Variants in CDX1 observed in about 807,000 individuals in gnomAD.
CDX1 encodes homeobox protein CDX-1.
A neutral mutation model predicts 16.9 loss-of-function variants in CDX1; 9 were observed. The ratio of observed to expected loss-of-function variants is 0.53; its 90% confidence interval spans 0.32 to 0.93. The LOEUF (loss-of-function observed/expected upper bound fraction) is 0.93. Among genes scored for constraint, CDX1 ranks in the 40% least tolerant of loss-of-function variants. The probability of loss-of-function intolerance (pLI) is 0.04; values close to 1 mark genes in which losing one functional copy is unlikely to be tolerated. For missense variants in CDX1, 393 were observed against 386.1 expected, an observed-to-expected ratio of 1.02 and a Z score of -0.15; for synonymous variants, 179 against 179.0, an observed-to-expected ratio of 1.00 and a Z score of 0.00.
At position 150,166,824 on chromosome 5, in the gene CDX1, GC is replaced by G. The variant is rs762439484; in HGVS notation, c.-51del. The stretch of plus-strand genomic sequence containing the variant: ...TGAGCGGTTGCTCGTCGTCGGGGCG[GC>G]CGGCAGCGGCGGCTCCAGGGCCCAG... On this transcript the variant is annotated 5_prime_UTR_variant, in exon 1 of 3. Transcript: ENST00000231656. The G allele has an allele frequency of 1.4e-5, 18 of 1,288,346 alleles. No homozygotes were observed. The African/African-American group carries it at 2.2e-4, about 16-fold the overall frequency. 79.8% of individuals were successfully genotyped at this position (1,288,346 alleles called of 1,614,324 possible).
intron 1 of CDX1, among the ~76,000 whole-genome samples, chr5:150,176,939 G>C (rs1761576394): frequency 1.3e-5 from 2 of 152,252 alleles, no homozygotes; most frequent in Admixed American, 1.3e-4. Context: ...GCTGGGGCTG[G>C]ACCACCCAGG....
rs1761434034 is a variant in CDX1 at position 150,167,089 on chromosome 5, C to T, written c.213C>T (p.Asp71=). The T allele has an allele frequency of 1.4e-6, 2 of 1,386,024 alleles. No homozygotes were observed. Among genetic ancestry groups the T allele is most frequent in the African/African-American group, 3.1e-5 (2 of 65,386 alleles). The allele number at this position is 1,386,024 out of a possible 1,614,324, so 85.9% of individuals were successfully genotyped here. A position where few individuals can be genotyped will look rare whatever the true frequency, so the allele number is the denominator to read the frequency against. ...CGCCCTTCCCTGCGCCCAAGGACGA[C>T]TGGGCCGCCGCCTACGGCCCGGGCC... ...WGAPFPAPKD[D]WAAAYGPGPA... The change falls in exon 1 of 3, where the codon GAC becomes GAT. Residue 71 remains aspartate (D), a synonymous_variant. Coordinates refer to ENST00000231656, the MANE Select transcript of CDX1 (RefSeq NM_001804.3).
intron 1 of CDX1, among the ~76,000 whole-genome samples, chr5:150,169,556 G>C (rs892093558): frequency 6.6e-6 from 1 of 152,168 alleles, no homozygotes; most frequent in Non-Finnish European, 1.5e-5. Context: ...TGAAGTGGGG[G>C]CAGAATTGGG....
rs753962349 is a variant in CDX1 at position 150,183,755 on chromosome 5, G to A, written c.*75G>A. On this transcript the variant is annotated 3_prime_UTR_variant, in exon 3 of 3. Transcript: ENST00000231656. ...AGTGTGGCTCCTGTGGGCCCAGGAG[G>A]TCTGGTCCGAGTCTCAGCCCTGACC... The A allele has an allele frequency of 2.4e-6, 3 of 1,259,694 alleles. No individual in the cohort carries two copies. Among genetic ancestry groups the A allele is most frequent in the Admixed American group, 5.8e-5 (2 of 34,760 alleles). 78.0% of individuals were successfully genotyped at this position (1,259,694 alleles called of 1,614,324 possible).
chr5:150,174,448 C>T (rs1228340236), intron 1 of CDX1, among the ~76,000 whole-genome samples: 1 of 152,186 alleles, frequency 6.6e-6, no homozygotes, highest in Non-Finnish European at 1.5e-5. Context: ...GAACTGGCTG[C>T]TTTGCAGCTA....
At chr5:150,174,061 C>G (rs1761539064) in intron 1 of CDX1, among the ~76,000 whole-genome samples, 1 of 152,232 alleles carries the variant, frequency 6.6e-6, no homozygotes, top group Admixed American at 6.5e-5. Flanking sequence ...TGGCATGGCC[C>G]TACCCTCAAA....
chr5:150,171,368 C>A (rs761486714), intron 1 of CDX1, among the ~76,000 whole-genome samples: 20 of 152,152 alleles, frequency 1.3e-4, no homozygotes, highest in Non-Finnish European at 2.8e-4. Flanking sequence ...CAGAATCTTG[C>A]TATGTCACCC....
intron 1 of CDX1, among the ~76,000 whole-genome samples, chr5:150,169,718 C>T (rs976614146): frequency 6.6e-6 from 1 of 152,190 alleles, no homozygotes. Flanking sequence ...TCAGTGCATG[C>T]CACTGCCCTC....
At chr5:150,172,944 T>A (rs571218241) in intron 1 of CDX1, among the ~76,000 whole-genome samples, 11 of 152,270 alleles carry the variant, frequency 7.2e-5, no homozygotes, top group African/African-American at 1.9e-4. Flanking sequence ...CTCAGGTTTT[T>A]GTGTTGGAGC....
chr5:150,167,387 C>T, intron 1 of CDX1, 66 bp downstream of exon 1: 1 of 1,098,980 alleles, frequency 9.1e-7, no homozygotes, highest in Admixed American at 4.3e-5. Flanking sequence ...CCAGGCCGCC[C>T]CCTGTCTGAC....
intron 1 of CDX1, among the ~76,000 whole-genome samples, chr5:150,177,126 G>T (rs1738907786): frequency 6.6e-6 from 1 of 152,268 alleles, no homozygotes; most frequent in Non-Finnish European, 1.5e-5. Context: ...GCCCAGGCTG[G>T]ATGGGGAGCC....
chr5:150,170,002 C>T (rs564420107), intron 1 of CDX1, among the ~76,000 whole-genome samples: 2 of 152,322 alleles, frequency 1.3e-5, no homozygotes, highest in South Asian at 4.1e-4. Context: ...ACATTCCTTC[C>T]TGAGGTCTAC....
intron 1 of CDX1, among the ~76,000 whole-genome samples, chr5:150,168,106 C>T (rs960136532): frequency 6.6e-6 from 1 of 152,244 alleles, no homozygotes; most frequent in South Asian, 2.1e-4. Context: ...GCAACTGGCT[C>T]TGCCTTGGCT....
At chr5:150,177,574 G>A (rs1480743396) in intron 1 of CDX1, among the ~76,000 whole-genome samples, 2 of 152,210 alleles carry the variant, frequency 1.3e-5, no homozygotes, top group Admixed American at 1.3e-4. Context: ...AATCCCACCT[G>A]CCTGATGCGT....
At chr5:150,175,028 C>T in intron 1 of CDX1, among the ~76,000 whole-genome samples, 1 of 152,176 alleles carries the variant, frequency 6.6e-6, no homozygotes, top group East Asian at 1.9e-4. Flanking sequence ...CCACCCACCT[C>T]AGCCTCCCAA....
intron 1 of CDX1, among the ~76,000 whole-genome samples, chr5:150,174,808 C>A (rs570426357): frequency 2.0e-4 from 30 of 147,684 alleles, no homozygotes; most frequent in African/African-American, 7.6e-4. Flanking sequence ...TGGAGTTTTG[C>A]TCTTGTCGCC....
intron 1 of CDX1, among the ~76,000 whole-genome samples, chr5:150,178,208 A>G (rs1273082769): frequency 1.3e-5 from 2 of 152,034 alleles, no homozygotes; most frequent in African/African-American, 4.8e-5. Context: ...GGAGTTTGCT[A>G]CCTCTCATGG....
At chr5:150,177,010 G>A (rs570127116) in intron 1 of CDX1, among the ~76,000 whole-genome samples, 1 of 152,354 alleles carries the variant, frequency 6.6e-6, no homozygotes, top group East Asian at 1.9e-4. Context: ...GGCCAAAGCT[G>A]GTCATCCACC....
At chr5:150,179,541 C>T (rs1025667207) in intron 1 of CDX1, among the ~76,000 whole-genome samples, 1 of 152,220 alleles carries the variant, frequency 6.6e-6, no homozygotes, top group Non-Finnish European at 1.5e-5. Flanking sequence ...GCCCATTTCC[C>T]CCCACCTATG....
Sources: gnomAD v4.1 joint callset for allele counts (sites outside exome capture counted in the v4.1 genomes callset) on GRCh38, gnomAD v4.1.1 for gene constraint, MANE v1.5 for transcripts, NCBI Gene and HGNC (gene_info 2026-07-23, HGNC 2026-07-21) for gene names.